Variants in VWA3A observed in about 807,000 individuals in gnomAD.
The protein encoded by VWA3A is von Willebrand factor A domain containing 3A, also known as von Willebrand factor A domain-containing protein 3A.
Under a neutral mutation model 160.4 loss-of-function variants are expected in VWA3A, and 134 were observed. The observed-to-expected ratio is 0.84, with a 90% CI of 0.73 to 0.96. The LOEUF (loss-of-function observed/expected upper bound fraction) is 0.96. Ranked by LOEUF, VWA3A falls within the 40% of genes least tolerant of loss-of-function variation. The pLI is 0.00. For missense variants in VWA3A, 1,310 were observed against 1,447.9 expected (o/e 0.90, Z 1.55); for synonymous variants, 476 against 543.4 (o/e 0.88, Z 1.72).
intron 27 of VWA3A, among the ~76,000 whole-genome samples, chr16:22,147,232 C>T (rs1016784929): frequency 2.0e-5 from 3 of 152,074 alleles, no homozygotes; most frequent in African/African-American, 7.2e-5. Flanking sequence ...CTATGTTGCA[C>T]AGGCTGGCCC....
At chr16:22,141,747 T>C in intron 24 of VWA3A, 55 bp downstream of exon 24, 1 of 1,485,418 alleles carries the variant, frequency 6.7e-7, no homozygotes, top group Non-Finnish European at 9.2e-7. Flanking sequence ...GGGGGAGCTG[T>C]AAGGGCAGCA....
Position 22,104,047 on chromosome 16 carries a change from G to A in VWA3A, c.483+518G>A, listed in dbSNP as rs181571393. Among the ~76,000 whole-genome samples, 23 of 152,308 alleles carry A rather than the reference G, an allele frequency of 1.5e-4. 1 individual carries two copies. The highest frequency in any genetic ancestry group is 7.3e-5 in the Non-Finnish European group (5 of 68,028). ...GACTGAAAAAGAGAGACAGATGGTT[G>A]CATGTGGAAGGCCAGAGCACTGTTA... On this transcript the variant is annotated intron_variant, in intron 6 of 33. Coordinates refer to ENST00000389398, the MANE Select transcript of VWA3A (RefSeq NM_173615.5).
At chr16:22,149,344 A>T (rs2046307841) in intron 28 of VWA3A, among the ~76,000 whole-genome samples, 1 of 151,832 alleles carries the variant, frequency 6.6e-6, no homozygotes, top group Non-Finnish European at 1.5e-5. Flanking sequence ...GGCTCAAGTG[A>T]TCTCCCACCT....
intron 27 of VWA3A, among the ~76,000 whole-genome samples, chr16:22,146,709 C>T (rs2046257419): frequency 1.3e-5 from 2 of 151,504 alleles, no homozygotes; most frequent in Non-Finnish European, 2.9e-5. Flanking sequence ...GCAGAGGTTG[C>T]AGTGAGCTGA....
chr16:22,115,845 G>T (rs1456875921), intron 9 of VWA3A, among the ~76,000 whole-genome samples: 1 of 2,522 alleles, frequency 4.0e-4, no homozygotes, highest in East Asian at 0.028. Context: ...AAGGAAGGAA[G>T]GAAGGAAGGA....
intron 27 of VWA3A, 134 bp from the exon 28 acceptor site, chr16:22,148,027 GT>G (rs2046284515): frequency 8.6e-7 from 1 of 1,159,168 alleles, no homozygotes; most frequent in Admixed American, 2.8e-5. Flanking sequence ...TCTCAGTGGG[GT>G]GACATCCAAT....
At chr16:22,103,328 A>G (rs1416596927) in intron 5 of VWA3A, 147 bp from the exon 6 acceptor site, 14 of 686,164 alleles carry the variant, frequency 2.0e-5, no homozygotes, top group Non-Finnish European at 2.9e-5. Context: ...ACTACAGTGC[A>G]CCTAAAAGGT....
Position 22,138,513 on chromosome 16 carries a change from G to C in VWA3A, c.2292+1G>C. 4.3e-6 allele frequency: 7 copies of C among 1,613,832 alleles called. No homozygotes were observed. Among genetic ancestry groups the C allele is most frequent in the African/African-American group, 1.3e-5 (1 of 75,046 alleles). ...CACCGTCCCCCTGGGGGCCAGAATG[G>C]TTTGACTCCCCTCCTAATAACACGC... On this transcript the variant is annotated splice_donor_variant, in intron 22 of 33. Transcript: ENST00000389398. LOFTEE classifies it high-confidence loss of function.
At chr16:22,145,238 G>A (rs917807359) in intron 26 of VWA3A, among the ~76,000 whole-genome samples, 38 of 152,132 alleles carry the variant, frequency 2.5e-4, no homozygotes, top group Admixed American at 2.5e-3. Context: ...TTCACTAGAG[G>A]AATATAGGGT....
At position 22,116,753 on chromosome 16, in the gene VWA3A, C is replaced by T; in HGVS notation, c.816-6C>T. On this transcript the variant is annotated splice_polypyrimidine_tract_variant and splice_region_variant and intron_variant, in intron 9 of 33. Coordinates refer to ENST00000389398, the MANE Select transcript of VWA3A (RefSeq NM_173615.5). ...GATTTCCACTTCTCTTCTGCCTTCT[C>T]CACAGCCCAGATCAGCCTTCTGAAA... The T allele has an allele frequency of 6.2e-7, 1 of 1,611,596 alleles. No homozygotes were observed. The highest frequency in any genetic ancestry group is 8.5e-7 in the Non-Finnish European group (1 of 1,178,926).
intron 11 of VWA3A, among the ~76,000 whole-genome samples, chr16:22,118,618 G>A (rs1047611814): frequency 3.9e-5 from 6 of 152,006 alleles, no homozygotes; most frequent in South Asian, 4.2e-4. Context: ...CCCAGGAGGC[G>A]GAGCTTGCCG....
At chr16:22,106,499 G>A (rs2141856090) in intron 6 of VWA3A, among the ~76,000 whole-genome samples, 1 of 152,194 alleles carries the variant, frequency 6.6e-6, no homozygotes, top group East Asian at 1.9e-4. Context: ...AATATCTTGG[G>A]GAGAATGTTC....
rs559336453 is a variant in VWA3A at position 22,148,124 on chromosome 16, A to G, written c.2840-38A>G. 70 of 1,547,456 alleles carry G rather than the reference A, an allele frequency of 4.5e-5. No individual in the cohort carries two copies. The Middle Eastern group carries it at 6.0e-4, about 13-fold the overall frequency. ...AACCACCCAGGAGGAGGGACCCCTC[A>G]CTCCCTCCCTGCCTCTTCCCCACCT... On this transcript the variant is annotated intron_variant, in intron 27 of 33. Transcript: ENST00000389398.
rs8062281 is a variant in VWA3A, at chr16:22,149,864, A to T, written c.3062A>T (p.His1021Leu). Reference protein sequence around the residue: ...TLVETTDAACHEAMQWVTHLQ... With the variant: ...TLVETTDAACLEAMQWVTHLQ... The stretch of plus-strand genomic sequence containing the variant: ...GTGGAGACCACAGATGCAGCGTGTC[A>T]TGAGGCTATGCAATGGGTGACCCAC... The change falls in exon 29 of 34, where the codon CAT (histidine) becomes CTT (leucine). Residue 1021 changes from histidine (H) to leucine (L), a missense_variant. By Grantham distance (99) the His-to-Leu change is moderately conservative. Coordinates refer to ENST00000389398, the MANE Select transcript of VWA3A (RefSeq NM_173615.5). 2,953 of 1,612,844 alleles carry T rather than the reference A, an allele frequency of 1.8e-3. 58 individuals carry two copies. In the African/African-American group the frequency reaches 0.035, roughly 19 times the overall value.
intron 8 of VWA3A, among the ~76,000 whole-genome samples, chr16:22,113,155 G>A (rs2045575381): frequency 6.6e-6 from 1 of 151,742 alleles, no homozygotes. Flanking sequence ...GTGTACTATT[G>A]TTTATTTTAT....
At chr16:22,138,968 G>T (rs1295193684) in intron 22 of VWA3A, among the ~76,000 whole-genome samples, 1 of 151,952 alleles carries the variant, frequency 6.6e-6, no homozygotes, top group Non-Finnish European at 1.5e-5. Flanking sequence ...TATCAATTCT[G>T]TCCTCCATAA....
At chr16:22,128,749 A>G (rs923211617) in intron 17 of VWA3A, among the ~76,000 whole-genome samples, 6 of 152,220 alleles carry the variant, frequency 3.9e-5, no homozygotes, top group Admixed American at 3.9e-4. Context: ...CTATGCAGCC[A>G]TAAAAAAGAA....
chr16:22,110,995 G>A lies in VWA3A; in HGVS notation c.689+1G>A, dbSNP rs780570532. The A allele has an allele frequency of 1.7e-5, 27 of 1,600,572 alleles. No homozygotes were observed. Among genetic ancestry groups the A allele is most frequent in the South Asian group, 9.0e-5 (8 of 88,478 alleles). ...ACCCCATGGAAGTCAGCGCCTCCAC[G>A]TGAGTGGCTTTCCTACCTGACGGTG... On this transcript the variant is annotated splice_donor_variant, in intron 8 of 33. Transcript: ENST00000389398. LOFTEE classifies it high-confidence loss of function.
intron 17 of VWA3A, among the ~76,000 whole-genome samples, chr16:22,130,881 AAC>A (rs891496190): frequency 7.2e-5 from 11 of 151,972 alleles, no homozygotes; most frequent in African/African-American, 2.7e-4. Context: ...AAAAAAAAAA[AAC>A]AAACTATAGT....
Sources: gnomAD v4.1 joint callset for allele counts (sites outside exome capture counted in the v4.1 genomes callset) on GRCh38, gnomAD v4.1.1 for gene constraint, MANE v1.5 for transcripts, NCBI Gene and HGNC (gene_info 2026-07-23, HGNC 2026-07-21) for gene names.